CSNK2A2: variants seen among roughly 807,000 people sequenced by gnomAD.
CSNK2A2 encodes casein kinase 2 alpha 2, also known as casein kinase II subunit alpha'.
In CSNK2A2, 8 loss-of-function variants were observed where a neutral mutation model predicts 54.0. That is an observed-to-expected ratio of 0.15 (90% confidence interval 0.09 to 0.27). The LOEUF is 0.27. CSNK2A2 is among the 10% of genes least tolerant of loss of function. CSNK2A2 has a pLI of 1.00. For missense variants in CSNK2A2, 242 were observed against 439.4 expected (o/e 0.55, Z 4.02); for synonymous variants, 141 against 153.9 (o/e 0.92, Z 0.62).
At chr16:58,181,625 A>C (rs1292083011) in intron 4 of CSNK2A2, among the ~76,000 whole-genome samples, 1 of 152,230 alleles carries the variant, frequency 6.6e-6, no homozygotes, top group Non-Finnish European at 1.5e-5. Flanking sequence ...GTATTACATA[A>C]AACATAAAAG....
At chr16:58,177,232 A>C (rs888457280) in intron 4 of CSNK2A2, among the ~76,000 whole-genome samples, 9 of 152,194 alleles carry the variant, frequency 5.9e-5, no homozygotes, top group Non-Finnish European at 1.2e-4. Flanking sequence ...CTTCCAAGAA[A>C]CAGAAGTACC....
intron 4 of CSNK2A2, 41 bp from the exon 5 acceptor site, chr16:58,174,551 A>C: frequency 1.7e-5 from 26 of 1,535,360 alleles, no homozygotes; most frequent in Non-Finnish European, 2.2e-5. Flanking sequence ...ATTTAGTCTC[A>C]CTGCATCTTG....
At chr16:58,190,131 A>C (rs117776647) in intron 2 of CSNK2A2, among the ~76,000 whole-genome samples, 10,083 of 152,072 alleles carry the variant, frequency 0.066, 392 homozygotes, top group South Asian at 0.19. Flanking sequence ...TGCTAGAAGA[A>C]GTCTCCGTCT....
At chr16:58,169,009 CT>C (rs1307519487) in intron 5 of CSNK2A2, among the ~76,000 whole-genome samples, 1 of 151,896 alleles carries the variant, frequency 6.6e-6, no homozygotes, top group Non-Finnish European at 1.5e-5. Context: ...TCACTGCAAG[CT>C]CTGCCTCCCG....
chr16:58,176,535 GC>G (rs1171327123), intron 4 of CSNK2A2, among the ~76,000 whole-genome samples: 1 of 152,106 alleles, frequency 6.6e-6, no homozygotes, highest in African/African-American at 2.4e-5. Flanking sequence ...AACCGCCTGG[GC>G]CCAAAATTCA....
chr16:58,195,071 T>C (rs1962400522), intron 2 of CSNK2A2, among the ~76,000 whole-genome samples: 2 of 152,286 alleles, frequency 1.3e-5, no homozygotes, highest in South Asian at 4.1e-4. Flanking sequence ...TATTCCTAAT[T>C]TCAATTTACG....
chr16:58,165,743 C>G (rs1484035780), intron 9 of CSNK2A2, 35 bp from the exon 10 acceptor site: 1 of 1,592,458 alleles, frequency 6.3e-7, no homozygotes, highest in South Asian at 1.1e-5. Flanking sequence ...TAACCAGAGA[C>G]TAAATTCAAC....
intron 5 of CSNK2A2, among the ~76,000 whole-genome samples, chr16:58,169,956 GA>G (rs1395896321): frequency 6.6e-6 from 1 of 151,960 alleles, no homozygotes; most frequent in Non-Finnish European, 1.5e-5. Flanking sequence ...TAAGGCACGA[GA>G]ATTGCCTGAA....
intron 2 of CSNK2A2, among the ~76,000 whole-genome samples, chr16:58,189,419 T>C (rs534864283): frequency 1.3e-5 from 2 of 152,136 alleles, no homozygotes; most frequent in African/African-American, 4.8e-5. Flanking sequence ...GAGGCCTATA[T>C]CCACCAAAAA....
chr16:58,175,885 G>A (rs1961864366), intron 4 of CSNK2A2, among the ~76,000 whole-genome samples: 1 of 152,158 alleles, frequency 6.6e-6, no homozygotes, highest in African/African-American at 2.4e-5. Flanking sequence ...TTGGGTGGCT[G>A]GCCCTGGCTA....
At chr16:58,176,488 C>G (rs1013542670) in intron 4 of CSNK2A2, among the ~76,000 whole-genome samples, 14 of 152,218 alleles carry the variant, frequency 9.2e-5, no homozygotes, top group African/African-American at 3.1e-4. Context: ...CTCAGGATCT[C>G]CGGGTAGGAG....
chr16:58,184,454 T>C (rs551352097), intron 3 of CSNK2A2, 144 bp from the exon 4 acceptor site: 131 of 556,646 alleles, frequency 2.4e-4, no homozygotes, highest in Non-Finnish European at 3.5e-4. Flanking sequence ...AAAAGTATTC[T>C]CTTGAAATTT....
chr16:58,169,001 A>ACTGCAAGCTCTGCCTCC (rs1285112534), intron 5 of CSNK2A2, among the ~76,000 whole-genome samples: 19 of 150,738 alleles, frequency 1.3e-4, no homozygotes, highest in African/African-American at 4.6e-4. Context: ...ATCTCGGCTC[A>ACTGCAAGCTCTGCCTCC]CTGCAAGCTC....
chr16:58,192,721 G>A (rs1298850716), intron 2 of CSNK2A2: 1 of 152,248 alleles, frequency 6.6e-6, no homozygotes, highest in Non-Finnish European at 1.5e-5. Context: ...TTCCAGTACA[G>A]ATCAGGACAT....
At chr16:58,179,623 C>A (rs948929381) in intron 4 of CSNK2A2, among the ~76,000 whole-genome samples, 3 of 152,122 alleles carry the variant, frequency 2.0e-5, no homozygotes, top group African/African-American at 7.2e-5. Flanking sequence ...GCTACTCCTT[C>A]CAATTTTCCA....
intron 10 of CSNK2A2, 29 bp downstream of exon 10, chr16:58,165,531 C>T (rs746320126): frequency 6.3e-7 from 1 of 1,579,918 alleles, no homozygotes; most frequent in Non-Finnish European, 8.6e-7. Flanking sequence ...GACTGAATTA[C>T]TCCCTGAACA....
chr16:58,175,240 T>G (rs1961847226), intron 4 of CSNK2A2, among the ~76,000 whole-genome samples: 1 of 152,234 alleles, frequency 6.6e-6, no homozygotes, highest in Admixed American at 6.5e-5. Context: ...TTTAAAAAAT[T>G]TCTAAGAGTC....
chr16:58,184,746 A>G (rs1962146196), intron 3 of CSNK2A2, among the ~76,000 whole-genome samples: 1 of 152,242 alleles, frequency 6.6e-6, no homozygotes, highest in African/African-American at 2.4e-5. Context: ...AGTCTGCCAT[A>G]TACAAAAAAA....
intron 3 of CSNK2A2, among the ~76,000 whole-genome samples, chr16:58,186,208 C>A (rs900460547): frequency 6.6e-6 from 1 of 152,206 alleles, no homozygotes; most frequent in Non-Finnish European, 1.5e-5. Context: ...TGGCTACAAA[C>A]TGAGCACTGA....
Sources: allele counts gnomAD v4.1 joint callset (sites outside exome capture counted in the v4.1 genomes callset), GRCh38; gene constraint gnomAD v4.1.1; transcripts MANE v1.5; gene names NCBI Gene and HGNC (gene_info 2026-07-23, HGNC 2026-07-21).